Variants in DHRS12 observed in about 807,000 individuals in gnomAD.
DHRS12 encodes dehydrogenase/reductase 12.
DHRS12 carries 29 observed loss-of-function variants against 32.1 expected under a neutral mutation model. The observed-to-expected ratio is 0.90, with a 90% CI of 0.67 to 1.23. The LOEUF (loss-of-function observed/expected upper bound fraction) is 1.23. Among genes scored for constraint, DHRS12 ranks in the 50% most tolerant of loss-of-function variants. The pLI is 0.00. For missense variants in DHRS12, 330 were observed against 337.2 expected (o/e 0.98, Z 0.17); for synonymous variants, 150 against 135.9 (o/e 1.10, Z -0.72).
At chr13:51,780,168 T>A (rs1226542402) in intron 4 of DHRS12, among the ~76,000 whole-genome samples, 1 of 150,694 alleles carries the variant, frequency 6.6e-6, no homozygotes, top group African/African-American at 2.4e-5. Context: ...GAGAGTGAGA[T>A]TCCATCTCAA....
At chr13:51,796,218 A>C (rs1955506060) in intron 2 of DHRS12, among the ~76,000 whole-genome samples, 1 of 152,110 alleles carries the variant, frequency 6.6e-6, no homozygotes, top group Admixed American at 6.5e-5. Context: ...CTGCCTACCA[A>C]AGGTAGACCA....
rs577696897 is a variant in DHRS12, at chr13:51,791,034, G to A, written c.219+131C>T. ...ATGAGTAAACTTGATTCCATGAACA[G>A]GCCCAAGCATAAGAGAGTCTTACTA... On this transcript the variant is annotated intron_variant, in intron 3 of 8. Transcript: ENST00000444610. The A allele has an allele frequency of 1.1e-5, 6 of 543,050 alleles. No individual in the cohort carries two copies. The South Asian group carries it at 1.3e-4, about 12-fold the overall frequency. 33.6% of individuals were successfully genotyped at this position (543,050 alleles called of 1,614,324 possible).
intron 4 of DHRS12, among the ~76,000 whole-genome samples, chr13:51,780,364 G>T (rs1026737312): frequency 6.6e-6 from 1 of 152,036 alleles, no homozygotes; most frequent in East Asian, 1.9e-4. Context: ...AGGTTTTGAT[G>T]AGAGAAAAAG....
chr13:51,768,311 G>A lies in DHRS12; in HGVS notation c.698-15C>T. On this transcript the variant is annotated splice_polypyrimidine_tract_variant and intron_variant, in intron 8 of 8. Transcript: ENST00000444610. ...TGGCTTCCGATCTAAAAGTGAGAGG[G>A]AACCGCAGAGAGGTGTGAGCTGCTG... 6.5e-7 allele frequency: 1 copy of A among 1,535,486 alleles called. No individual in the cohort carries two copies. Among genetic ancestry groups the A allele is most frequent in the Non-Finnish European group, 8.7e-7 (1 of 1,146,892 alleles).
intron 6 of DHRS12, chr13:51,773,058 A>G: frequency 1.0e-6 from 1 of 985,440 alleles, no homozygotes; most frequent in Non-Finnish European, 1.2e-6. Flanking sequence ...TAAGGGCAAG[A>G]ACTGTAAATA....
At chr13:51,757,710 A>G in the DHRS12 span, among the ~76,000 whole-genome samples, 1 of 152,100 alleles carries the variant, frequency 6.6e-6, no homozygotes, top group Admixed American at 6.5e-5. Flanking sequence ...CAGCTTTAGA[A>G]TACTATAGAA....
intron 2 of DHRS12, among the ~76,000 whole-genome samples, chr13:51,798,840 A>C (rs1955625506): frequency 6.6e-6 from 1 of 152,244 alleles, no homozygotes; most frequent in Non-Finnish European, 1.5e-5. Context: ...GAGATGCAGC[A>C]AACTTTTCTA....
rs142802328 is a variant in DHRS12, at chr13:51,791,626, C to A, written c.127-369G>T. Among the ~76,000 whole-genome samples, 4 of 151,960 alleles carry A rather than the reference C, an allele frequency of 2.6e-5. No individual in the cohort carries two copies. The East Asian group carries it at 7.8e-4, about 29-fold the overall frequency. ...TTTTTATTTTATTGTGATAAGGATACTTAATATGAGATCTACCCTCTTAAC... is the reference window on the plus strand; with the variant it reads ...TTTTTATTTTATTGTGATAAGGATAATTAATATGAGATCTACCCTCTTAAC... On this transcript the variant is annotated intron_variant, in intron 2 of 8. Coordinates refer to ENST00000444610, the MANE Select transcript of DHRS12 (RefSeq NM_001377533.1).
intron 4 of DHRS12, among the ~76,000 whole-genome samples, chr13:51,783,430 C>T (rs1481234607): frequency 6.6e-6 from 1 of 152,138 alleles, no homozygotes; most frequent in African/African-American, 2.4e-5. Flanking sequence ...AGACATTGAG[C>T]TGAAAGTTAC....
At chr13:51,773,380 T>C (rs1954132837) in intron 6 of DHRS12, among the ~76,000 whole-genome samples, 1 of 152,204 alleles carries the variant, frequency 6.6e-6, no homozygotes, top group African/African-American at 2.4e-5. Context: ...AAAGCAAAGG[T>C]GTGGGATTTC....
chr13:51,763,813 A>G (rs983495677), downstream of DHRS12: 9 of 152,316 alleles, frequency 5.9e-5, no homozygotes, highest in South Asian at 2.1e-4. Context: ...ACAAAAGTAT[A>G]ATTTATTTTT....
intron 4 of DHRS12, 91 bp from the exon 5 acceptor site, chr13:51,777,212 A>C (rs1593522650): frequency 6.8e-7 from 1 of 1,468,772 alleles, no homozygotes; most frequent in South Asian, 1.1e-5. Flanking sequence ...GTCTGCCCGC[A>C]CCCGCCCCCC....
chr13:51,785,564 G>A (rs189813383), intron 4 of DHRS12, among the ~76,000 whole-genome samples: 4 of 152,304 alleles, frequency 2.6e-5, no homozygotes, highest in South Asian at 2.1e-4. Context: ...GGAATTGCTC[G>A]CACACCTGGG....
chr13:51,761,343 CTTA>C, the DHRS12 span: 2 of 152,148 alleles, frequency 1.3e-5, no homozygotes, highest in African/African-American at 4.8e-5. Flanking sequence ...TTTTAAAAAT[CTTA>C]TTTTCACCTG....
At chr13:51,786,104 T>C (rs892492493) in intron 4 of DHRS12, among the ~76,000 whole-genome samples, 1 of 152,206 alleles carries the variant, frequency 6.6e-6, no homozygotes, top group Non-Finnish European at 1.5e-5. Context: ...CGTAACAGAA[T>C]GTCAAGCGAC....
the DHRS12 span, chr13:51,756,279 C>T: frequency 5.7e-6 from 9 of 1,570,520 alleles, no homozygotes; most frequent in Non-Finnish European, 7.8e-6. Flanking sequence ...GATGCGGGGG[C>T]CTCAGGAGCT....
chr13:51,794,922 C>G (rs988207119), intron 2 of DHRS12, among the ~76,000 whole-genome samples: 4 of 152,068 alleles, frequency 2.6e-5, no homozygotes, highest in Admixed American at 1.3e-4. Context: ...CCCCTAGGCC[C>G]TTTGGGAGCA....
chr13:51,786,265 G>A (rs553981566), intron 4 of DHRS12, among the ~76,000 whole-genome samples: 46 of 152,304 alleles, frequency 3.0e-4, no homozygotes, highest in Non-Finnish European at 4.3e-4. Context: ...CAGTGTCCTC[G>A]TCTTGTGTCC....
intron 4 of DHRS12, among the ~76,000 whole-genome samples, chr13:51,780,704 CTG>C (rs1954665922): frequency 6.6e-6 from 1 of 152,196 alleles, no homozygotes. Context: ...AGAGGTAAAA[CTG>C]TGTGGAGCAC....
Sources: gnomAD v4.1 joint callset for allele counts (sites outside exome capture counted in the v4.1 genomes callset) on GRCh38, gnomAD v4.1.1 for gene constraint, MANE v1.5 for transcripts, NCBI Gene and HGNC (gene_info 2026-07-23, HGNC 2026-07-21) for gene names.